Variants in PDZRN4 observed in about 807,000 individuals in gnomAD.
PDZRN4 encodes PDZ domain containing ring finger 4.
Under a neutral mutation model 99.0 loss-of-function variants are expected in PDZRN4, and 70 were observed. That is an observed-to-expected ratio of 0.71 (90% confidence interval 0.58 to 0.86). PDZRN4 has a LOEUF of 0.86. Ranked by LOEUF, PDZRN4 falls within the 40% of genes least tolerant of loss-of-function variation. The pLI, the probability that PDZRN4 is intolerant of heterozygous loss-of-function variation, is 0.00. For synonymous variants in PDZRN4, 551 were observed against 501.6 expected (o/e 1.10, Z -1.32); for missense variants, 1,474 against 1,331.2 (o/e 1.11, Z -1.67).
chr12:41,571,362 TCTCTCTCTCTCTCTCACA>T lies in PDZRN4; in HGVS notation c.1585-1000_1585-983del, dbSNP rs370894306. ...CTCTCTCTCTCTCTCTCTCTCTCTCTCTCTCTCTCTCTCTCACACACACACACACACACACACACACAC... is the reference window on the plus strand; with the variant it reads ...CTCTCTCTCTCTCTCTCTCTCTCTCTCACACACACACACACACACACACAC... On this transcript the variant is annotated intron_variant, in intron 9 of 9. Transcript: ENST00000402685. 5.8e-3 allele frequency among the ~76,000 whole-genome samples: 566 copies of T among 97,818 alleles called. 1 individual carries two copies. Among genetic ancestry groups the T allele is most frequent in the Middle Eastern group, 9.6e-3 (2 of 208 alleles). The allele number at this position is 97,818 out of a possible 152,430, so 64.2% of individuals were successfully genotyped here. A position where few individuals can be genotyped will look rare whatever the true frequency, so the allele number is the denominator to read the frequency against.
At position 41,307,124 on chromosome 12, in the gene PDZRN4, T is replaced by C. The variant is rs375140449; in HGVS notation, c.843+112936T>C. On this transcript the variant is annotated intron_variant, in intron 3 of 9. Coordinates refer to ENST00000402685, the MANE Select transcript of PDZRN4 (RefSeq NM_001164595.2). ...AAAGCTGCTTCAAAATTTTTTTCAGTATTTGTTATAGCAGCACCCTATTTC... is the reference window on the plus strand; with the variant it reads ...AAAGCTGCTTCAAAATTTTTTTCAGCATTTGTTATAGCAGCACCCTATTTC... Among the ~76,000 whole-genome samples the C allele has an allele frequency of 2.0e-5, 3 of 152,176 alleles. No individual in the cohort carries two copies. In the East Asian group the frequency reaches 5.8e-4, roughly 29 times the overall value.
intron 3 of PDZRN4, among the ~76,000 whole-genome samples, chr12:41,432,121 G>T (rs2120441275): frequency 6.6e-6 from 1 of 152,264 alleles, no homozygotes; most frequent in Non-Finnish European, 1.5e-5. Context: ...AAATATTTGT[G>T]AAATAAATAA....
At chr12:41,215,315 A>G (rs528943655) in intron 3 of PDZRN4, among the ~76,000 whole-genome samples, 1 of 152,152 alleles carries the variant, frequency 6.6e-6, no homozygotes, top group South Asian at 2.1e-4. Context: ...TATAGTATAG[A>G]AATTATAATG....
At chr12:41,526,354 C>T (rs1592097491) in intron 5 of PDZRN4, among the ~76,000 whole-genome samples, 1 of 152,336 alleles carries the variant, frequency 6.6e-6, no homozygotes, top group Admixed American at 6.5e-5. Flanking sequence ...AGCTCAGAGA[C>T]TCTCTGGTTC....
At chr12:41,442,430 G>C (rs1299929336) in intron 3 of PDZRN4, among the ~76,000 whole-genome samples, 3 of 152,010 alleles carry the variant, frequency 2.0e-5, no homozygotes, top group African/African-American at 7.2e-5. Flanking sequence ...TGGTATTATA[G>C]TCAATTCTGT....
rs1939135150 is a variant in PDZRN4, at chr12:41,555,241, A to AAAGAAAAG, written c.1303-455_1303-454insGAAAAGAA. Among the ~76,000 whole-genome samples, 5 of 119,964 alleles carry AAAGAAAAG rather than the reference A, an allele frequency of 4.2e-5. 1 individual carries two copies. Among genetic ancestry groups the AAAGAAAAG allele is most frequent in the Admixed American group, 1.9e-4 (2 of 10,520 alleles). 78.7% of individuals were successfully genotyped at this position (119,964 alleles called of 152,430 possible). A position where few individuals can be genotyped will look rare whatever the true frequency, so the allele number is the denominator to read the frequency against. On this transcript the variant is annotated intron_variant, in intron 6 of 9. Transcript: ENST00000402685. ...GCCAGACTCTGTCTCAAAAAAAAAA[A>AAAGAAAAG]AAAAAAAAGAAAAAAAAAAGGACGG...
At chr12:41,233,987 C>A (rs1000110646) in intron 3 of PDZRN4, among the ~76,000 whole-genome samples, 2 of 151,634 alleles carry the variant, frequency 1.3e-5, no homozygotes, top group African/African-American at 4.8e-5. Flanking sequence ...CCAGATGTAG[C>A]AGAGAATCAC....
intron 3 of PDZRN4, among the ~76,000 whole-genome samples, chr12:41,453,794 G>T (rs970818805): frequency 6.6e-6 from 1 of 151,848 alleles, no homozygotes; most frequent in Non-Finnish European, 1.5e-5. Context: ...AAATTCTCCA[G>T]TACCAACAAG....
chr12:41,466,634 C>T (rs1392600241), intron 3 of PDZRN4, among the ~76,000 whole-genome samples: 3 of 151,822 alleles, frequency 2.0e-5, no homozygotes, highest in East Asian at 1.9e-4. Flanking sequence ...GCATTAAAAA[C>T]GTGGAGGGGG....
chr12:41,378,190 T>A (rs1178507682), intron 3 of PDZRN4, among the ~76,000 whole-genome samples: 1 of 152,218 alleles, frequency 6.6e-6, no homozygotes, highest in Non-Finnish European at 1.5e-5. Flanking sequence ...CAAGAAAGAA[T>A]GTGGAATTAT....
chr12:41,482,516 G>A (rs1384772126), intron 3 of PDZRN4, among the ~76,000 whole-genome samples: 1 of 152,080 alleles, frequency 6.6e-6, no homozygotes, highest in Non-Finnish European at 1.5e-5. Context: ...AAAGTGGCAG[G>A]ATCCATATCA....
chr12:41,303,466 T>C (rs1043948089), intron 3 of PDZRN4, among the ~76,000 whole-genome samples: 3 of 152,204 alleles, frequency 2.0e-5, no homozygotes, highest in Admixed American at 2.0e-4. Flanking sequence ...AAAGGCTACA[T>C]ACATCTAATT....
chr12:41,444,467 A>C (rs190664081), intron 3 of PDZRN4, among the ~76,000 whole-genome samples: 76 of 152,164 alleles, frequency 5.0e-4, no homozygotes, highest in Non-Finnish European at 8.2e-4. Flanking sequence ...CAAAGGGAAC[A>C]CTCCTTAGTA....
chr12:41,529,730 A>G (rs927978662), intron 5 of PDZRN4, among the ~76,000 whole-genome samples: 3 of 152,034 alleles, frequency 2.0e-5, no homozygotes, highest in Non-Finnish European at 4.4e-5. Flanking sequence ...TCCTCAAATC[A>G]CTCCTCAAAA....
At position 41,524,114 on chromosome 12, in the gene PDZRN4, C is replaced by T. The variant is rs545775763; in HGVS notation, c.1203+14201C>T. 4.6e-5 allele frequency among the ~76,000 whole-genome samples: 7 copies of T among 152,276 alleles called. No homozygotes were observed. The South Asian group carries it at 1.5e-3, about 32-fold the overall frequency. On this transcript the variant is annotated intron_variant, in intron 5 of 9. Coordinates refer to ENST00000402685, the MANE Select transcript of PDZRN4 (RefSeq NM_001164595.2). The stretch of plus-strand genomic sequence containing the variant: ...AAGAAAACAATTTCATTCACAACAG[C>T]ATTAAAGATAAAATACTTAGGAATA...
In PDZRN4 at chr12:41,573,544, G is replaced by A. The variant is rs1207064397; in HGVS notation, c.2765G>A (p.Arg922Gln). ...KERALKIKEE[R>Q]SGMTTDDDTM... Reference sequence around the variant, plus strand: ...CGTGCCTTAAAGATCAAGGAAGAGCGGAGTGGCATGACCACAGACGATGAC... The same window carrying A: ...CGTGCCTTAAAGATCAAGGAAGAGCAGAGTGGCATGACCACAGACGATGAC... Residue 922 changes from arginine to glutamine, a missense_variant, in exon 10 of 10, where the codon CGG becomes CAG. Transcript: ENST00000402685. The A allele has an allele frequency of 2.5e-6, 4 of 1,613,916 alleles. No individual in the cohort carries two copies. The highest frequency in any genetic ancestry group is 1.3e-5 in the African/African-American group (1 of 74,986).
intron 3 of PDZRN4, among the ~76,000 whole-genome samples, chr12:41,494,732 T>C (rs147524247): frequency 1.3e-5 from 2 of 152,274 alleles, no homozygotes; most frequent in African/African-American, 4.8e-5. Context: ...CTTGCAGATG[T>C]AGAAGCTTGT....
intron 3 of PDZRN4, among the ~76,000 whole-genome samples, chr12:41,438,842 C>T (rs979611750): frequency 6.6e-6 from 1 of 152,194 alleles, no homozygotes; most frequent in Admixed American, 6.5e-5. Flanking sequence ...AATTTCTTAT[C>T]TAGCAAAATA....
intron 8 of PDZRN4, 87 bp downstream of exon 8, chr12:41,563,736 T>TCACGA: frequency 1.2e-6 from 1 of 866,154 alleles, no homozygotes; most frequent in Non-Finnish European, 1.9e-6. Context: ...TTATATTCAT[T>TCACGA]ATCTGCTATT....
Sources: allele counts gnomAD v4.1 joint callset (sites outside exome capture counted in the v4.1 genomes callset), GRCh38; gene constraint gnomAD v4.1.1; transcripts MANE v1.5; gene names NCBI Gene and HGNC (gene_info 2026-07-23, HGNC 2026-07-21).